Variants in CADPS observed in about 807,000 individuals in gnomAD.
CADPS encodes the protein calcium-dependent secretion activator 1.
CADPS carries 57 observed loss-of-function variants against 167.3 expected under a neutral mutation model. The ratio of observed to expected loss-of-function variants is 0.34; its 90% CI spans 0.28 to 0.42. The LOEUF (loss-of-function observed/expected upper bound fraction) is 0.42. Ranked by LOEUF, CADPS falls within the 20% of genes least tolerant of loss-of-function variation. The pLI, the probability that CADPS is intolerant of heterozygous loss-of-function variation, is 1.00. For synonymous variants in CADPS, 676 were observed against 635.3 expected (o/e 1.06, Z -0.96); for missense variants, 1,414 against 1,738.1 (o/e 0.81, Z 3.32).
chr3:62,853,633 A>G (rs1050852427), intron 1 of CADPS, among the ~76,000 whole-genome samples: 13 of 151,080 alleles, frequency 8.6e-5, no homozygotes, highest in Admixed American at 2.6e-4. Context: ...TAAAAAAAAA[A>G]AAAAAAGAAA....
chr3:62,534,388 A>C (rs1417676002), intron 12 of CADPS, among the ~76,000 whole-genome samples: 3 of 152,270 alleles, frequency 2.0e-5, no homozygotes, highest in African/African-American at 7.2e-5. Context: ...AATTGACAAC[A>C]TGCAGCTCAG....
chr3:62,540,541 A>T (rs1356003566), intron 11 of CADPS, among the ~76,000 whole-genome samples: 3 of 152,112 alleles, frequency 2.0e-5, no homozygotes, highest in Non-Finnish European at 4.4e-5. Flanking sequence ...ATCCAAAAGT[A>T]GGAACATGTG....
intron 18 of CADPS, chr3:62,498,223 G>T (rs747508854): frequency 8.8e-6 from 4 of 456,218 alleles, no homozygotes; most frequent in Non-Finnish European, 4.4e-6. Context: ...ATGCAATCAG[G>T]CATTAGTCGG....
At chr3:62,565,919 G>A (rs1252892807) in intron 9 of CADPS, among the ~76,000 whole-genome samples, 3 of 152,230 alleles carry the variant, frequency 2.0e-5, no homozygotes, top group African/African-American at 4.8e-5. Flanking sequence ...TAGACTCTGT[G>A]TGTATGTGTA....
chr3:62,816,438 T>C (rs184544499), intron 1 of CADPS, among the ~76,000 whole-genome samples: 1 of 152,114 alleles, frequency 6.6e-6, no homozygotes, highest in East Asian at 1.9e-4. Flanking sequence ...ACAACTTCAT[T>C]TGCAAATATC....
chr3:62,788,309 A>G (rs754209850), intron 1 of CADPS, among the ~76,000 whole-genome samples: 1 of 152,144 alleles, frequency 6.6e-6, no homozygotes, highest in Non-Finnish European at 1.5e-5. Context: ...TTGTTACTTC[A>G]ATTTCCTCTA....
Position 62,499,203 on chromosome 3 carries a change from C to A in CADPS, c.2665G>T (p.Val889Phe). The part of the protein sequence containing the change: ...LEDTIRLAEL[V>F]IEVLQQNEEH... ...TCATTTTGCTGAAGAACTTCAATGA[C>A]TAGTTCAGCAAGACGTATTGTATCT... The change falls in exon 18 of 30, where the codon GTC (valine) becomes TTC (phenylalanine). Residue 889 changes from valine (V) to phenylalanine (F), a missense_variant. By Grantham distance (50) the Val-to-Phe change is conservative. This residue lies in a region of CADPS where 529 missense variants were observed against 629.6 expected (regional missense o/e 0.84). Coordinates refer to ENST00000383710, the MANE Select transcript of CADPS (RefSeq NM_003716.4). 1 of 1,613,856 alleles carries A rather than the reference C, an allele frequency of 6.2e-7. No individual in the cohort carries two copies. The highest frequency in any genetic ancestry group is 1.1e-5 in the South Asian group (1 of 91,064).
At chr3:62,635,485 A>G (rs2066114124) in intron 6 of CADPS, among the ~76,000 whole-genome samples, 1 of 152,182 alleles carries the variant, frequency 6.6e-6, no homozygotes, top group African/African-American at 2.4e-5. Flanking sequence ...CTACTTGCTA[A>G]AAGTCAAATT....
Position 62,491,574 on chromosome 3 carries a change from C to CACAA in CADPS, c.2885-95_2885-94insTTGT, listed in dbSNP as rs1553815723. On this transcript the variant is annotated intron_variant, in intron 20 of 29. Transcript: ENST00000383710. ...ACACACACAAACACACACACACACA[C>CACAA]ACACACACACAGATGATTGATTGTC... The CACAA allele has an allele frequency of 2.3e-5, 23 of 979,288 alleles. No individual in the cohort carries two copies. The African/African-American group carries it at 3.7e-4, about 16-fold the overall frequency. The allele number at this position is 979,288 out of a possible 1,614,324, so 60.7% of individuals were successfully genotyped here.
Position 62,438,396 on chromosome 3 carries a change from C to T in CADPS, c.3670-185G>A, listed in dbSNP as rs1406146651. 1.9e-5 allele frequency: 10 copies of T among 526,664 alleles called. No homozygotes were observed. In the East Asian group the frequency reaches 3.3e-4, roughly 17 times the overall value. The allele number at this position is 526,664 out of a possible 1,614,324, so 32.6% of individuals were successfully genotyped here. A position where few individuals can be genotyped will look rare whatever the true frequency, so the allele number is the denominator to read the frequency against. On this transcript the variant is annotated intron_variant, in intron 27 of 29. Transcript: ENST00000383710. The surrounding 1 kb of genome is among the most constrained non-coding windows in gnomAD (Gnocchi z 4.7). Reference sequence around the variant, plus strand: ...GGAATTGATATTAGAACTGCTTCCTCTTTCCAGAAATCAAGCCTGGCTAAG... The same window carrying T: ...GGAATTGATATTAGAACTGCTTCCTTTTTCCAGAAATCAAGCCTGGCTAAG...
In CADPS at chr3:62,478,916, G is replaced by A. The variant is rs891440346; in HGVS notation, c.3174-500C>T. On this transcript the variant is annotated intron_variant, in intron 22 of 29. Transcript: ENST00000383710. The surrounding 1 kb of genome is among the most constrained non-coding windows in gnomAD (Gnocchi z 5.7). The stretch of plus-strand genomic sequence containing the variant: ...GGACAGTGCTAACAAAGTGGTGAGC[G>A]AGGACCTGCTTTCTCTCTTGAAGAG... 6.6e-6 allele frequency among the ~76,000 whole-genome samples: 1 copy of A among 152,172 alleles called. No individual in the cohort carries two copies. Among genetic ancestry groups the A allele is most frequent in the African/African-American group, 2.4e-5 (1 of 41,446 alleles).
chr3:62,534,971 ACT>A (rs1384397980), intron 12 of CADPS, among the ~76,000 whole-genome samples: 2 of 152,036 alleles, frequency 1.3e-5, no homozygotes, highest in Non-Finnish European at 2.9e-5. Context: ...GCATTTATAA[ACT>A]CTCCTTCACA....
chr3:62,469,266 G>C (rs962771202), intron 24 of CADPS, among the ~76,000 whole-genome samples: 1 of 152,164 alleles, frequency 6.6e-6, no homozygotes, highest in East Asian at 1.9e-4. Context: ...GAGACTTATT[G>C]GATTAACTTG....
rs1388151876 is a variant in CADPS, at chr3:62,785,132, G to T, written c.442-19148C>A. ...TTAACCATGAAGTGATCATTAACAA[G>T]TTGGATGATGGGTACAAGAGGGTTA... is the stretch of plus-strand genomic sequence containing the variant. On this transcript the variant is annotated intron_variant, in intron 1 of 29. Coordinates refer to ENST00000383710, the MANE Select transcript of CADPS (RefSeq NM_003716.4). 2.6e-5 allele frequency among the ~76,000 whole-genome samples: 4 copies of T among 151,704 alleles called. No individual in the cohort carries two copies. In the East Asian group the frequency reaches 5.8e-4, roughly 22 times the overall value.
In CADPS at chr3:62,552,444, T is replaced by C. The variant is rs1021302443; in HGVS notation, c.1754-2329A>G. Among the ~76,000 whole-genome samples the C allele has an allele frequency of 2.6e-5, 4 of 152,338 alleles. No individual in the cohort carries two copies. The East Asian group carries it at 5.8e-4, about 22-fold the overall frequency. ...GGGTTCAGGCCAAAGCTACATTGTG[T>C]CCATCAACATATTCTAGAAACCTGT... is the stretch of plus-strand genomic sequence containing the variant. On this transcript the variant is annotated intron_variant, in intron 10 of 29. Transcript: ENST00000383710.
intron 17 of CADPS, among the ~76,000 whole-genome samples, chr3:62,508,343 G>T (rs1168781182): frequency 6.6e-6 from 1 of 152,120 alleles, no homozygotes; most frequent in African/African-American, 2.4e-5. Flanking sequence ...CAATGACCAA[G>T]AAACCTCTTT....
intron 26 of CADPS, among the ~76,000 whole-genome samples, chr3:62,450,827 C>A (rs1560543130): frequency 6.6e-6 from 1 of 152,158 alleles, no homozygotes; most frequent in Non-Finnish European, 1.5e-5. Context: ...TCTGCCTCAA[C>A]AACCTTTTGA....
rs759502563 is a variant in CADPS at position 62,662,361 on chromosome 3, T to G, written c.922A>C (p.Arg308=). ...TGTAGACGTCCATCCAGCTCTCGTC[T>G]GATCTGGGCTGCTTGCTCATCTGGA... ...DNPDEQAAQI[R]RELDGRLQMA... is the part of the protein sequence containing the mutation. Residue 308 remains arginine, a synonymous_variant, in exon 4 of 30, where the codon AGA becomes CGA. Coordinates refer to ENST00000383710, the MANE Select transcript of CADPS (RefSeq NM_003716.4). 29 of 1,613,924 alleles carry G rather than the reference T, an allele frequency of 1.8e-5. No homozygotes were observed. Among genetic ancestry groups the G allele is most frequent in the Admixed American group, 3.3e-5 (2 of 60,000 alleles).
At chr3:62,551,897 C>T (rs938821586) in intron 10 of CADPS, among the ~76,000 whole-genome samples, 1 of 152,258 alleles carries the variant, frequency 6.6e-6, no homozygotes, top group Admixed American at 6.5e-5. Context: ...GACCTCCCTT[C>T]TTGTGACCTA....
Sources: gnomAD v4.1 joint callset for allele counts (sites outside exome capture counted in the v4.1 genomes callset) on GRCh38, gnomAD v4.1.1 for gene constraint, gnomAD v4.1.1 regional missense constraint, Gnocchi (gnomAD v3.1) non-coding constraint, MANE v1.5 for transcripts, NCBI Gene and HGNC (gene_info 2026-07-23, HGNC 2026-07-21) for gene names.